Variants in RANGAP1 observed in about 807,000 individuals in gnomAD.
The protein encoded by RANGAP1 is Ran GTPase activating protein 1, also known as ran GTPase-activating protein 1.
In RANGAP1, 38 loss-of-function variants were observed where a neutral mutation model predicts 63.5. The ratio of observed to expected loss-of-function variants is 0.60; its 90% CI spans 0.46 to 0.78. RANGAP1 has a LOEUF of 0.78. RANGAP1 is among the 30% of genes least tolerant of loss of function. The pLI is 0.00. For synonymous variants in RANGAP1, 329 were observed against 310.5 expected (o/e 1.06, Z -0.63); for missense variants, 630 against 740.3 (o/e 0.85, Z 1.73).
intron 1 of RANGAP1, chr22:41,285,653 GC>G: frequency 1.0e-6 from 1 of 985,456 alleles, no homozygotes; most frequent in Non-Finnish European, 1.2e-6. Flanking sequence ...TGATAGGCGG[GC>G]GGCGCAGGAG....
intron 3 of RANGAP1, among the ~76,000 whole-genome samples, chr22:41,269,666 C>T (rs149409998): frequency 2.7e-5 from 4 of 149,500 alleles, no homozygotes; most frequent in Admixed American, 6.7e-5. Context: ...CGCTGAAAAC[C>T]GGGAGGCAGA....
At chr22:41,300,390 G>T in the RANGAP1 span, among the ~76,000 whole-genome samples, 1 of 125,910 alleles carries the variant, frequency 7.9e-6, no homozygotes, top group African/African-American at 2.9e-5. Flanking sequence ...AGTTGTCAAG[G>T]GTGTTTCATT....
chr22:41,272,867 T>C (rs975687696), intron 3 of RANGAP1, among the ~76,000 whole-genome samples: 4 of 151,546 alleles, frequency 2.6e-5, no homozygotes, highest in African/African-American at 9.7e-5. Flanking sequence ...GGCTGGAGTG[T>C]AGTGGTGCAA....
In RANGAP1 at chr22:41,281,094, A is replaced by G. The variant is rs2035468892; in HGVS notation, c.-38-12T>C. 8 of 1,526,734 alleles carry G rather than the reference A, an allele frequency of 5.2e-6. No homozygotes were observed. Among genetic ancestry groups the G allele is most frequent in the Non-Finnish European group, 6.1e-6 (7 of 1,146,492 alleles). 94.6% of individuals were successfully genotyped at this position (1,526,734 alleles called of 1,614,324 possible). ...TGGAGATCTGCAGACTGAGGAGGCC[A>G]AAGTTGCAGTAAGAAAAAGGAGTCT... On this transcript the variant is annotated splice_polypyrimidine_tract_variant and intron_variant, in intron 1 of 15. Transcript: ENST00000356244.
chr22:41,247,482 G>T (rs1282422960), intron 15 of RANGAP1, among the ~76,000 whole-genome samples: 1 of 152,096 alleles, frequency 6.6e-6, no homozygotes, highest in African/African-American at 2.4e-5. Context: ...CTCCCAAGTA[G>T]CTGGGACCAC....
intron 13 of RANGAP1, 41 bp downstream of exon 13, chr22:41,250,966 A>C (rs751444697): frequency 1.3e-6 from 2 of 1,532,484 alleles, no homozygotes; most frequent in Non-Finnish European, 1.8e-6. Context: ...CACGAGCATC[A>C]AGGGACAGAG....
chr22:41,280,558 C>CTAGA (rs2145845521), intron 2 of RANGAP1: 1 of 878,780 alleles, frequency 1.1e-6, no homozygotes, highest in Non-Finnish European at 1.6e-6. Flanking sequence ...AAAGCTGCAG[C>CTAGA]TATTCCCAGG....
At chr22:41,281,982 G>C (rs1001163500) in intron 1 of RANGAP1, 1 of 152,140 alleles carries the variant, frequency 6.6e-6, no homozygotes, top group Non-Finnish European at 1.5e-5. Flanking sequence ...CAATTAGCAG[G>C]GTATGGTGGT....
At position 41,259,178 on chromosome 22, in the gene RANGAP1, G is replaced by A. The variant is rs1261414075; in HGVS notation, c.616-1072C>T. The stretch of plus-strand genomic sequence containing the variant: ...TCCCATCGGCCCCTGAGCTTTGGAG[G>A]AGAGGGCCATGTCCCAGTCTCCACT... On this transcript the variant is annotated intron_variant, in intron 6 of 15. Transcript: ENST00000356244. Among the ~76,000 whole-genome samples, 7 of 152,252 alleles carry A rather than the reference G, an allele frequency of 4.6e-5. No homozygotes were observed. In the East Asian group the frequency reaches 1.3e-3, roughly 29 times the overall value.
intron 6 of RANGAP1, among the ~76,000 whole-genome samples, chr22:41,260,392 C>T (rs904415859): frequency 2.0e-5 from 3 of 152,170 alleles, no homozygotes; most frequent in Admixed American, 6.5e-5. Flanking sequence ...AGCTCCCCTG[C>T]AGCCAGGGGT....
rs778129729 is a variant in RANGAP1 at position 41,254,404 on chromosome 22, TTCC to T, written c.1161_1163del (p.Glu397del). The T allele has an allele frequency of 2.9e-5, 47 of 1,611,730 alleles. No homozygotes were observed. Among genetic ancestry groups the T allele is most frequent in the Non-Finnish European group, 3.5e-5 (41 of 1,178,322 alleles). On this transcript the variant is annotated inframe_deletion, in exon 11 of 16. Coordinates refer to ENST00000356244, the MANE Select transcript of RANGAP1 (RefSeq NM_002883.4). ...CTTCTTCCTCCTCCTCCTCCTCTTC[TTCC>T]TCCTCTTCCTCATCTTCCTCCTCCT... is the stretch of plus-strand genomic sequence containing the variant.
In RANGAP1 at chr22:41,258,031, C is replaced by G. The variant is rs762720276; in HGVS notation, c.691G>C (p.Ala231Pro). The G allele has an allele frequency of 1.9e-6, 3 of 1,613,182 alleles. No homozygotes were observed. Among genetic ancestry groups the G allele is most frequent in the Non-Finnish European group, 2.5e-6 (3 of 1,179,520 alleles). The change falls in exon 7 of 16, where the codon GCT (alanine) becomes CCT (proline). Residue 231 changes from alanine (A) to proline (P), a missense_variant. Transcript: ENST00000356244. ...NHPGITALAQ[A>P]FAVNPLLRVI... is the part of the protein sequence containing the mutation. ...CGCAGCAGGGGGTTGACAGCGAAAGCCTGGGCCAGGGCAGTGATGCCAGGG... is the reference window on the plus strand; with the variant it reads ...CGCAGCAGGGGGTTGACAGCGAAAGGCTGGGCCAGGGCAGTGATGCCAGGG...
intron 10 of RANGAP1, among the ~76,000 whole-genome samples, chr22:41,255,691 G>A (rs890901451): frequency 9.2e-5 from 14 of 151,918 alleles, no homozygotes; most frequent in Admixed American, 3.9e-4. Flanking sequence ...TCCACCCCAC[G>A]AGACAGAAGC....
At chr22:41,294,226 A>G in the RANGAP1 span, among the ~76,000 whole-genome samples, 34 of 152,052 alleles carry the variant, frequency 2.2e-4, no homozygotes, top group African/African-American at 7.2e-4. Flanking sequence ...TGGTTTTCGT[A>G]TTTTTTTGGT....
intron 8 of RANGAP1, 89 bp from the exon 9 acceptor site, chr22:41,256,379 ATATGG>A: frequency 7.5e-7 from 1 of 1,328,706 alleles, no homozygotes; most frequent in Non-Finnish European, 1.1e-6. Context: ...CCAAGTGAGG[ATATGG>A]CAGGCTCTGT....
At chr22:41,266,887 C>CTTTT (rs2034508896) in intron 4 of RANGAP1, among the ~76,000 whole-genome samples, 5 of 42,128 alleles carry the variant, frequency 1.2e-4, no homozygotes, top group African/African-American at 4.4e-4. Context: ...AAATGAATTT[C>CTTTT]CTTTTTTTTT....
At position 41,271,401 on chromosome 22, in the gene RANGAP1, A is replaced by AC. The variant is rs1555941561; in HGVS notation, c.240+3198_240+3199insG. 9.3e-5 allele frequency among the ~76,000 whole-genome samples: 14 copies of AC among 150,522 alleles called. 1 individual carries two copies. The highest frequency in any genetic ancestry group is 1.3e-4 in the Non-Finnish European group (9 of 67,504). On this transcript the variant is annotated intron_variant, in intron 3 of 15. Transcript: ENST00000356244. ...AAACTGTCTCTAAAAAAAAACAAAA[A>AC]AAAAAAACAAAAACGCCGGGTGCAG...
chr22:41,298,771 T>A, the RANGAP1 span, among the ~76,000 whole-genome samples: 1 of 152,058 alleles, frequency 6.6e-6, no homozygotes, highest in Admixed American at 6.6e-5. Flanking sequence ...AGTGTTGGGA[T>A]TTTGGGTGTA....
intron 13 of RANGAP1, 93 bp from the exon 14 acceptor site, chr22:41,249,910 G>C: frequency 1.8e-6 from 2 of 1,124,962 alleles, no homozygotes; most frequent in Non-Finnish European, 2.7e-6. Flanking sequence ...GCAGACACAG[G>C]CTCGCCTGCC....
Sources: gnomAD v4.1 joint callset for allele counts (sites outside exome capture counted in the v4.1 genomes callset) on GRCh38, gnomAD v4.1.1 for gene constraint, MANE v1.5 for transcripts, NCBI Gene and HGNC (gene_info 2026-07-23, HGNC 2026-07-21) for gene names.